RCAN1: variants seen among roughly 807,000 people sequenced by gnomAD.
RCAN1 encodes calcipressin-1.
A neutral mutation model predicts 22.9 loss-of-function variants in RCAN1; 11 were observed. The ratio of observed to expected loss-of-function variants is 0.48; its 90% confidence interval spans 0.30 to 0.79. The LOEUF (loss-of-function observed/expected upper bound fraction) is 0.79. Among genes scored for constraint, RCAN1 ranks in the 30% least tolerant of loss-of-function variants. The pLI is 0.06. For missense variants in RCAN1, 291 were observed against 337.8 expected (o/e 0.86, Z 1.09); for synonymous variants, 136 against 142.3 (o/e 0.96, Z 0.32).
chr21:34,605,919 C>CAA (rs1568933738), intron 1 of RCAN1, among the ~76,000 whole-genome samples: 1 of 135,840 alleles, frequency 7.4e-6, no homozygotes, highest in Non-Finnish European at 1.6e-5. Context: ...GACTCGGTCT[C>CAA]AGAAAAAAAA....
At chr21:34,529,038 G>A (rs1485672008) in intron 1 of RCAN1, among the ~76,000 whole-genome samples, 7 of 151,586 alleles carry the variant, frequency 4.6e-5, no homozygotes, top group African/African-American at 1.7e-4. Context: ...TCACTAGATT[G>A]CCCAAAAACA....
At chr21:34,586,958 A>C (rs1413974147) in intron 1 of RCAN1, among the ~76,000 whole-genome samples, 1 of 152,122 alleles carries the variant, frequency 6.6e-6, no homozygotes, top group Admixed American at 6.5e-5. Flanking sequence ...CCGTTTAAAA[A>C]AATAAAAAAA....
intron 1 of RCAN1, among the ~76,000 whole-genome samples, chr21:34,589,519 A>G (rs1448960892): frequency 6.6e-6 from 1 of 152,228 alleles, no homozygotes; most frequent in Non-Finnish European, 1.5e-5. Context: ...GTGGTGGTTA[A>G]TTGCGTGTGT....
At chr21:34,535,929 AG>A (rs1425956130) in intron 1 of RCAN1, among the ~76,000 whole-genome samples, 3 of 152,062 alleles carry the variant, frequency 2.0e-5, no homozygotes, top group African/African-American at 4.8e-5. Context: ...AAAAGAAAAG[AG>A]AAAAATAAAA....
intron 1 of RCAN1, among the ~76,000 whole-genome samples, chr21:34,537,421 G>A (rs186046517): frequency 4.3e-4 from 65 of 152,338 alleles, no homozygotes; most frequent in African/African-American, 1.3e-3. Flanking sequence ...AAATTGGGAG[G>A]TGTCACACAG....
intron 1 of RCAN1, among the ~76,000 whole-genome samples, chr21:34,605,099 G>A (rs1988481539): frequency 6.6e-6 from 1 of 152,252 alleles, no homozygotes; most frequent in South Asian, 2.1e-4. Flanking sequence ...CTGTGAGGGT[G>A]TTGCCAGAGG....
intron 1 of RCAN1, among the ~76,000 whole-genome samples, chr21:34,583,930 C>A (rs1368620753): frequency 6.6e-6 from 1 of 152,116 alleles, no homozygotes; most frequent in Non-Finnish European, 1.5e-5. Context: ...TTTATTATTA[C>A]ACACACATAC....
intron 1 of RCAN1, among the ~76,000 whole-genome samples, chr21:34,549,991 G>A (rs1241686075): frequency 6.6e-6 from 1 of 152,064 alleles, no homozygotes; most frequent in Non-Finnish European, 1.5e-5. Context: ...TGACAGGGCG[G>A]CACATCAATG....
At chr21:34,579,264 T>G (rs1026303179) in intron 1 of RCAN1, among the ~76,000 whole-genome samples, 1 of 151,946 alleles carries the variant, frequency 6.6e-6, no homozygotes, top group Non-Finnish European at 1.5e-5. Context: ...GGTACGGTGG[T>G]GCATGCCTGT....
intron 1 of RCAN1, among the ~76,000 whole-genome samples, chr21:34,591,532 A>T (rs1439836226): frequency 6.6e-6 from 1 of 152,176 alleles, no homozygotes; most frequent in African/African-American, 2.4e-5. Context: ...CACGCTAGGG[A>T]CACCTTCTAT....
At chr21:34,597,851 A>G (rs1203718097) in intron 1 of RCAN1, among the ~76,000 whole-genome samples, 1 of 152,242 alleles carries the variant, frequency 6.6e-6, no homozygotes, top group Non-Finnish European at 1.5e-5. Context: ...CAAAATTAAT[A>G]CACAGAAACA....
Position 34,533,054 on chromosome 21 carries a change from G to A in RCAN1, c.253-9344C>T, listed in dbSNP as rs545777149. The stretch of plus-strand genomic sequence containing the variant: ...CGGCTCACTGCAAGCTCCGCCTCCC[G>A]GGTTCACGCCATTCTCCTGCCTCAG... On this transcript the variant is annotated intron_variant, in intron 1 of 3. Coordinates refer to ENST00000313806, the MANE Select transcript of RCAN1 (RefSeq NM_004414.7). Among the ~76,000 whole-genome samples, 29 of 150,568 alleles carry A rather than the reference G, an allele frequency of 1.9e-4. No homozygotes were observed. The East Asian group carries it at 2.2e-3, about 11-fold the overall frequency.
At chr21:34,520,565 C>T (rs1167571823) in intron 3 of RCAN1, among the ~76,000 whole-genome samples, 1 of 152,084 alleles carries the variant, frequency 6.6e-6, no homozygotes, top group Non-Finnish European at 1.5e-5. Context: ...AAAACAAAAC[C>T]CTCAACCCAA....
At chr21:34,520,991 A>C in intron 3 of RCAN1, 3 of 867,160 alleles carry the variant, frequency 3.5e-6, no homozygotes, top group Non-Finnish European at 2.9e-6. Flanking sequence ...GCCCTGGGGT[A>C]GGGCAGCCCG....
chr21:34,585,967 A>C (rs543521897), intron 1 of RCAN1, among the ~76,000 whole-genome samples: 2 of 152,234 alleles, frequency 1.3e-5, no homozygotes, highest in Admixed American at 1.3e-4. Flanking sequence ...AATAATAAAA[A>C]AGGGTCAATT....
chr21:34,521,840 G>T (rs1984583630), intron 2 of RCAN1, 182 bp from the exon 3 acceptor site: 1 of 584,598 alleles, frequency 1.7e-6, no homozygotes. Flanking sequence ...TATGAACTCT[G>T]GTTGTGGCAC....
chr21:34,558,328 G>T (rs1986660184), intron 1 of RCAN1, among the ~76,000 whole-genome samples: 1 of 152,188 alleles, frequency 6.6e-6, no homozygotes, highest in African/African-American at 2.4e-5. Flanking sequence ...GGAAAGGTTT[G>T]CCAGGCCAGG....
chr21:34,542,832 T>A (rs1985975755), intron 1 of RCAN1, among the ~76,000 whole-genome samples: 1 of 152,178 alleles, frequency 6.6e-6, no homozygotes, highest in Non-Finnish European at 1.5e-5. Flanking sequence ...GTGTGGGGCT[T>A]CTTGCCATCT....
chr21:34,560,362 A>G (rs1246300062), intron 1 of RCAN1, among the ~76,000 whole-genome samples: 1 of 152,250 alleles, frequency 6.6e-6, no homozygotes, highest in Non-Finnish European at 1.5e-5. Context: ...AAAGCAACCT[A>G]GACTTCCCTA....
Sources: gnomAD v4.1 joint callset for allele counts (sites outside exome capture counted in the v4.1 genomes callset) on GRCh38, gnomAD v4.1.1 for gene constraint, MANE v1.5 for transcripts, NCBI Gene and HGNC (gene_info 2026-07-23, HGNC 2026-07-21) for gene names.